VCAN: variants seen among roughly 807,000 people sequenced by gnomAD.
VCAN encodes the protein versican core protein.
In VCAN, 44 loss-of-function variants were observed where a neutral mutation model predicts 245.5. The observed-to-expected ratio is 0.18, with a 90% CI of 0.14 to 0.23. VCAN has a LOEUF of 0.23. VCAN is among the 10% of genes least tolerant of loss of function. The pLI, the probability that VCAN is intolerant of heterozygous loss-of-function variation, is 1.00. For missense variants in VCAN, 3,793 were observed against 4,057.9 expected (o/e 0.93, Z 1.77); for synonymous variants, 1,413 against 1,437.0 (o/e 0.98, Z 0.38).
chr5:83,483,711 A>G, intron 2 of VCAN, 123 bp downstream of exon 2: 1 of 913,308 alleles, frequency 1.1e-6, no homozygotes, highest in South Asian at 1.4e-5. Context: ...AAGTGCTGAA[A>G]ACTATCAGTT....
chr5:83,486,213 T>A (rs1744787640), intron 2 of VCAN, among the ~76,000 whole-genome samples: 1 of 152,202 alleles, frequency 6.6e-6, no homozygotes, highest in South Asian at 2.1e-4. Flanking sequence ...TATAATAACA[T>A]CTTCCATGCT....
intron 5 of VCAN, among the ~76,000 whole-genome samples, chr5:83,501,846 T>C (rs771270593): frequency 2.0e-5 from 3 of 152,208 alleles, no homozygotes; most frequent in Admixed American, 1.3e-4. Context: ...GATTCTGATA[T>C]AGATTGCAAT....
At chr5:83,508,336 A>G (rs1745541989) in intron 5 of VCAN, among the ~76,000 whole-genome samples, 1 of 152,208 alleles carries the variant, frequency 6.6e-6, no homozygotes, top group South Asian at 2.1e-4. Context: ...AGGTCTTTAG[A>G]ACAGTGTTTT....
chr5:83,491,957 C>G (rs1340720245), intron 3 of VCAN, among the ~76,000 whole-genome samples: 1 of 152,082 alleles, frequency 6.6e-6, no homozygotes, highest in Non-Finnish European at 1.5e-5. Context: ...TTATATTCAC[C>G]AGATAGCACC....
At chr5:83,503,218 G>A (rs1431896672) in intron 5 of VCAN, among the ~76,000 whole-genome samples, 1 of 148,650 alleles carries the variant, frequency 6.7e-6, no homozygotes, top group Non-Finnish European at 1.5e-5. Flanking sequence ...AAACGATGGA[G>A]AGAGAGATAG....
In VCAN at chr5:83,519,894, A is replaced by G; in HGVS notation, c.1588A>G (p.Lys530Glu). The G allele has an allele frequency of 6.2e-7, 1 of 1,614,150 alleles. No individual in the cohort carries two copies. Among genetic ancestry groups the G allele is most frequent in the East Asian group, 2.2e-5 (1 of 44,882 alleles). The change falls in exon 7 of 15, where the codon AAA becomes GAA. Residue 530 changes from lysine (K) to glutamate (E), a missense_variant. By Grantham distance (56) the Lys-to-Glu change is moderately conservative. Transcript: ENST00000265077. ...LVTARMILES[K>E]TEKKMVSTVS... ...AACTGCAAGAATGATCCTGGAATCC[A>G]AAACTGAAAAGAAAATGGTAAGCAC...
Position 83,539,635 on chromosome 5 carries a change from T to C in VCAN, c.6632T>C (p.Leu2211Ser), listed in dbSNP as rs1746883547. ...EKSHFFLATA[L>S]VTESIPAEHV... is the part of the protein sequence containing the mutation. ...TCACATTTTTTCTTAGCTACTGCATTAGTAACTGAATCTATACCAGCTGAA... is the reference window on the plus strand; with the variant it reads ...TCACATTTTTTCTTAGCTACTGCATCAGTAACTGAATCTATACCAGCTGAA... The change falls in exon 8 of 15, where the codon TTA (leucine) becomes TCA (serine). Residue 2211 changes from leucine to serine, a missense_variant. Coordinates refer to ENST00000265077, the MANE Select transcript of VCAN (RefSeq NM_004385.5). The C allele has an allele frequency of 1.2e-6, 2 of 1,614,044 alleles. No homozygotes were observed. The highest frequency in any genetic ancestry group is 4.5e-5 in the East Asian group (2 of 44,848).
At chr5:83,545,866 G>T (rs887843448) in intron 9 of VCAN, among the ~76,000 whole-genome samples, 1 of 152,146 alleles carries the variant, frequency 6.6e-6, no homozygotes, top group Non-Finnish European at 1.5e-5. Flanking sequence ...ACTCAGTGAG[G>T]CCTGCTGAGT....
At chr5:83,559,903 T>A (rs1330794452) in intron 12 of VCAN, among the ~76,000 whole-genome samples, 2 of 152,064 alleles carry the variant, frequency 1.3e-5, no homozygotes, top group Admixed American at 1.3e-4. Context: ...TTCAGCTGAA[T>A]CTCTTTGTGA....
chr5:83,563,550 T>C (rs1217369941), intron 12 of VCAN, among the ~76,000 whole-genome samples: 1 of 152,202 alleles, frequency 6.6e-6, no homozygotes, highest in African/African-American at 2.4e-5. Context: ...GTTTGTTATT[T>C]AGTGAAAAGA....
chr5:83,579,728 A>G (rs1748603142), intron 13 of VCAN, among the ~76,000 whole-genome samples: 1 of 152,198 alleles, frequency 6.6e-6, no homozygotes. Context: ...GGGTAGATGA[A>G]TGTATGACCA....
chr5:83,514,294 A>G (rs1439269308), intron 6 of VCAN, among the ~76,000 whole-genome samples: 3 of 152,086 alleles, frequency 2.0e-5, no homozygotes, highest in Admixed American at 1.3e-4. Context: ...TTAAGACGTT[A>G]TTATATTCAG....
intron 5 of VCAN, among the ~76,000 whole-genome samples, chr5:83,505,258 C>T (rs1745448965): frequency 6.6e-6 from 1 of 152,166 alleles, no homozygotes; most frequent in South Asian, 2.1e-4. Context: ...TCCAAAGTCT[C>T]ATTTGAGACA....
chr5:83,483,371 C>A, intron 1 of VCAN, 142 bp from the exon 2 acceptor site: 1 of 681,968 alleles, frequency 1.5e-6, no homozygotes, highest in Non-Finnish European at 2.6e-6. Context: ...TTTTATAGTC[C>A]AAGAGGAGCT....
At chr5:83,478,551 C>T (rs1452059377) in intron 1 of VCAN, among the ~76,000 whole-genome samples, 2 of 152,102 alleles carry the variant, frequency 1.3e-5, no homozygotes, top group Non-Finnish European at 2.9e-5. Flanking sequence ...AGTGTAAAGG[C>T]TCATCATAGG....
rs1476648341 is a variant in VCAN at position 83,520,603 on chromosome 5, T to C, written c.2297T>C (p.Met766Thr). The stretch of plus-strand genomic sequence containing the variant: ...GCAGAGCCAACAGAAGTAAGAGATA[T>C]GGAGGAAGACTTTACAGCAACTCCA... ...LSAEPTEVRD[M>T]EEDFTATPGT... The change falls in exon 7 of 15, where the codon ATG becomes ACG. Residue 766 changes from methionine (M) to threonine (T), a missense_variant. Around this residue, in one of 5 missense-constraint regions of VCAN, gnomAD observed 3,182 missense variants for 3,250.3 expected, o/e 0.98. Transcript: ENST00000265077. The C allele has an allele frequency of 1.9e-6, 3 of 1,614,024 alleles. No homozygotes were observed. The highest frequency in any genetic ancestry group is 1.1e-5 in the South Asian group (1 of 91,084).
chr5:83,542,262 T>G lies in VCAN; in HGVS notation c.9259T>G (p.Leu3087Val). The change falls in exon 8 of 15, where the codon TTA becomes GTA. Residue 3087 changes from leucine to valine, a missense_variant. This residue lies in a region of VCAN where 3,182 missense variants were observed against 3,250.3 expected (regional missense o/e 0.98). Transcript: ENST00000265077. ...GTCAGTGGAAGGCACGGCAATCTATTTACCAGGTAAGATCACAACATTGAT... is the reference window on the plus strand; with the variant it reads ...GTCAGTGGAAGGCACGGCAATCTATGTACCAGGTAAGATCACAACATTGAT... ...EESVEGTAIYLPGPDRCKMNP... is the reference protein window; with the variant it reads ...EESVEGTAIYVPGPDRCKMNP... 3 of 1,612,468 alleles carry G rather than the reference T, an allele frequency of 1.9e-6. No individual in the cohort carries two copies. Among genetic ancestry groups the G allele is most frequent in the Non-Finnish European group, 2.5e-6 (3 of 1,179,880 alleles).
At chr5:83,490,524 G>C in intron 3 of VCAN, 52 bp downstream of exon 3, 1 of 1,606,984 alleles carries the variant, frequency 6.2e-7, no homozygotes, top group South Asian at 1.1e-5. Context: ...ACCTGGTTCA[G>C]AAGCATTGAG....
chr5:83,482,540 A>T (rs1744648519), intron 1 of VCAN, among the ~76,000 whole-genome samples: 1 of 152,232 alleles, frequency 6.6e-6, no homozygotes, highest in African/African-American at 2.4e-5. Flanking sequence ...GGAGAAACGC[A>T]TGGCTATTAT....
Sources: gnomAD v4.1 joint callset for allele counts (sites outside exome capture counted in the v4.1 genomes callset) on GRCh38, gnomAD v4.1.1 for gene constraint, gnomAD v4.1.1 regional missense constraint, MANE v1.5 for transcripts, NCBI Gene and HGNC (gene_info 2026-07-23, HGNC 2026-07-21) for gene names.